KIAA1217: variants seen among roughly 807,000 people sequenced by gnomAD.
KIAA1217 encodes the protein KIAA1217.
KIAA1217 carries 88 observed loss-of-function variants against 163.9 expected under a neutral mutation model. The ratio of observed to expected loss-of-function variants is 0.54; its 90% CI spans 0.45 to 0.64. The LOEUF (loss-of-function observed/expected upper bound fraction) is 0.64, where lower values mean the gene tolerates loss of function less well. Ranked by LOEUF, KIAA1217 falls within the 30% of genes least tolerant of loss-of-function variation. The pLI is 0.00. For synonymous variants in KIAA1217, 903 were observed against 923.1 expected (o/e 0.98, Z 0.39); for missense variants, 2,372 against 2,475.0 (o/e 0.96, Z 0.88).
chr10:24,080,357 C>T (rs757080816), intron 2 of KIAA1217, among the ~76,000 whole-genome samples: 14 of 152,032 alleles, frequency 9.2e-5, no homozygotes, highest in East Asian at 5.8e-4. Flanking sequence ...TTTAAGAAGA[C>T]GGAACAAGAA....
intron 1 of KIAA1217, among the ~76,000 whole-genome samples, chr10:23,760,776 G>A (rs1273517105): frequency 1.3e-5 from 2 of 151,910 alleles, no homozygotes; most frequent in African/African-American, 4.8e-5. Context: ...CCCTGTCTCT[G>A]CAAAAAATTT....
At chr10:24,206,626 GC>G (rs1274182701), upstream of KIAA1217, among the ~76,000 whole-genome samples, 1 of 152,214 alleles carries the variant, frequency 6.6e-6, no homozygotes, top group African/African-American at 2.4e-5. Flanking sequence ...TCCAATAGAA[GC>G]TTTTCCCTAT....
At chr10:24,094,623 A>T (rs1232209168) in intron 2 of KIAA1217, among the ~76,000 whole-genome samples, 1 of 152,106 alleles carries the variant, frequency 6.6e-6, no homozygotes, top group Non-Finnish European at 1.5e-5. Context: ...CAGCCGTGTG[A>T]GGTGTCAGTC....
At position 24,014,943 on chromosome 10, in the gene KIAA1217, C is replaced by T. The variant is rs1428118156; in HGVS notation, c.-171+7569C>T. ...CATGGAACAAAAATTAATATAATAT[C>T]TTCGATCAAAAATATAATTCTAAAA... On this transcript the variant is annotated intron_variant, in intron 2 of 18. Transcript: ENST00000376462. Among the ~76,000 whole-genome samples, 4 of 151,880 alleles carry T rather than the reference C, an allele frequency of 2.6e-5. 1 individual carries two copies. The East Asian group carries it at 7.8e-4, about 30-fold the overall frequency.
chr10:23,964,042 C>T (rs1374851000), intron 1 of KIAA1217, among the ~76,000 whole-genome samples: 2 of 151,848 alleles, frequency 1.3e-5, no homozygotes, highest in Non-Finnish European at 2.9e-5. Flanking sequence ...TGCAGGCGTG[C>T]ACCACCACGC....
chr10:24,268,176 G>A (rs531711572), intron 2 of KIAA1217, among the ~76,000 whole-genome samples: 28 of 152,298 alleles, frequency 1.8e-4, no homozygotes, highest in Non-Finnish European at 3.7e-4. Context: ...GGCTAGAAAG[G>A]TCAGGTCGCC....
chr10:23,925,218 GAT>G (rs1412109077), intron 1 of KIAA1217, among the ~76,000 whole-genome samples: 1 of 97,760 alleles, frequency 1.0e-5, no homozygotes, highest in Non-Finnish European at 2.5e-5. Context: ...GAAGGAAAAA[GAT>G]AAGGAAACAA....
chr10:24,405,416 C>G (rs1376752179), intron 3 of KIAA1217, among the ~76,000 whole-genome samples: 1 of 151,814 alleles, frequency 6.6e-6, no homozygotes, highest in East Asian at 1.9e-4. Context: ...TTTGGAAAAC[C>G]TAAATGAGCA....
chr10:24,257,968 C>A (rs956244620), intron 2 of KIAA1217, among the ~76,000 whole-genome samples: 5 of 151,914 alleles, frequency 3.3e-5, no homozygotes, highest in Non-Finnish European at 7.4e-5. Flanking sequence ...GCCACAGAAG[C>A]AGAGAGGGGT....
chr10:24,182,557 G>A (rs557218732), intron 2 of KIAA1217, among the ~76,000 whole-genome samples: 56 of 152,280 alleles, frequency 3.7e-4, no homozygotes, highest in African/African-American at 1.3e-3. Context: ...TTGAGTCAAT[G>A]AGTCTCTTTG....
intron 9 of KIAA1217, 120 bp from the exon 10 acceptor site, chr10:24,513,139 A>G (rs1251792029): frequency 2.3e-6 from 2 of 859,186 alleles, no homozygotes; most frequent in African/African-American, 1.7e-5. Flanking sequence ...TCTCATTGAA[A>G]TAAGTAAAGA....
chr10:23,934,385 T>G (rs1843385234), intron 1 of KIAA1217, among the ~76,000 whole-genome samples: 1 of 143,940 alleles, frequency 6.9e-6, no homozygotes, highest in African/African-American at 2.6e-5. Flanking sequence ...TGTTGGGGGG[T>G]GAGGGGTGAG....
At chr10:24,516,076 C>T (rs1185007707) in intron 10 of KIAA1217, among the ~76,000 whole-genome samples, 1 of 152,168 alleles carries the variant, frequency 6.6e-6, no homozygotes, top group Non-Finnish European at 1.5e-5. Context: ...ATCTCTAAAA[C>T]AAGAAAGAAG....
intron 1 of KIAA1217, among the ~76,000 whole-genome samples, chr10:23,908,232 G>C (rs988691697): frequency 2.0e-5 from 3 of 152,058 alleles, no homozygotes; most frequent in Non-Finnish European, 4.4e-5. Flanking sequence ...GGTCATGTAG[G>C]GGTATCTGAT....
chr10:23,986,444 T>C (rs1331273323), intron 1 of KIAA1217, among the ~76,000 whole-genome samples: 1 of 152,250 alleles, frequency 6.6e-6, no homozygotes, highest in African/African-American at 2.4e-5. Context: ...GCATATAACC[T>C]ATGCATGTCA....
intron 1 of KIAA1217, among the ~76,000 whole-genome samples, chr10:23,953,367 A>G (rs751890090): frequency 5.9e-5 from 9 of 152,242 alleles, no homozygotes; most frequent in African/African-American, 9.6e-5. Flanking sequence ...TCAGCTTAAG[A>G]CATTATCTCA....
At chr10:23,888,879 G>A (rs908128654) in intron 1 of KIAA1217, among the ~76,000 whole-genome samples, 2 of 151,742 alleles carry the variant, frequency 1.3e-5, no homozygotes, top group African/African-American at 2.4e-5. Context: ...GCAACCAACC[G>A]ATCTGACATT....
intron 1 of KIAA1217, among the ~76,000 whole-genome samples, chr10:23,776,899 C>T (rs1264878600): frequency 6.6e-6 from 1 of 151,762 alleles, no homozygotes; most frequent in Non-Finnish European, 1.5e-5. Context: ...CCAGGCTGGT[C>T]TTGAACAGTC....
intron 1 of KIAA1217, among the ~76,000 whole-genome samples, chr10:23,976,877 AT>A (rs900619811): frequency 3.9e-5 from 6 of 152,212 alleles, no homozygotes; most frequent in African/African-American, 1.2e-4. Context: ...CTTTGCTTAA[AT>A]AAGGACTCTG....
Sources: gnomAD v4.1 joint callset for allele counts (sites outside exome capture counted in the v4.1 genomes callset) on GRCh38, gnomAD v4.1.1 for gene constraint, MANE v1.5 for transcripts, NCBI Gene and HGNC (gene_info 2026-07-23, HGNC 2026-07-21) for gene names.